SNX13: variants seen among roughly 807,000 people sequenced by gnomAD.
The protein encoded by SNX13 is sorting nexin-13.
SNX13 carries 45 observed loss-of-function variants against 133.6 expected under a neutral mutation model. The ratio of observed to expected loss-of-function variants is 0.34; its 90% CI spans 0.27 to 0.43. The LOEUF (loss-of-function observed/expected upper bound fraction) is 0.43. SNX13 is among the 20% of genes least tolerant of loss of function. The pLI, the probability that SNX13 is intolerant of heterozygous loss-of-function variation, is 1.00. For missense variants in SNX13, 1,032 were observed against 1,145.1 expected, an observed-to-expected ratio of 0.90 and a Z score of 1.43; for synonymous variants, 414 against 373.9, an observed-to-expected ratio of 1.11 and a Z score of -1.24.
rs1259199741 is a variant in SNX13, at chr7:17,794,358, G to A, written c.2627-66C>T. 3 of 1,526,988 alleles carry A rather than the reference G, an allele frequency of 2.0e-6. No individual in the cohort carries two copies. In the African/African-American group the frequency reaches 4.2e-5, roughly 21 times the overall value. 94.6% of individuals were successfully genotyped at this position (1,526,988 alleles called of 1,614,324 possible). A position where few individuals can be genotyped will look rare whatever the true frequency, so the allele number is the denominator to read the frequency against. The stretch of plus-strand genomic sequence containing the variant: ...AAACACAAGGCCTAAACTCTTAAAT[G>A]TTCTTAAATTAAGGTACACAGCAGA... On this transcript the variant is annotated intron_variant, in intron 25 of 25. Transcript: ENST00000428135.
At chr7:17,818,861 TATG>T (rs1157161672) in intron 18 of SNX13, among the ~76,000 whole-genome samples, 1 of 152,208 alleles carries the variant, frequency 6.6e-6, no homozygotes, top group Non-Finnish European at 1.5e-5. Flanking sequence ...ATTTGTTTAA[TATG>T]GTGCATATTT....
In SNX13 at chr7:17,940,414, C is replaced by G. The variant is rs766363997; in HGVS notation, c.-119G>C. 1.6e-6 allele frequency: 2 copies of G among 1,230,046 alleles called. No individual in the cohort carries two copies. The highest frequency in any genetic ancestry group is 1.2e-6 in the Non-Finnish European group (1 of 860,524). 76.2% of individuals were successfully genotyped at this position (1,230,046 alleles called of 1,614,324 possible). A position where few individuals can be genotyped will look rare whatever the true frequency, so the allele number is the denominator to read the frequency against. On this transcript the variant is annotated 5_prime_UTR_variant, in exon 1 of 26. Transcript: ENST00000428135. ...GGCAACTGCTCCTTCAGTCTTCTCC[C>G]GGGCGGCGGTTTTACTCGGCTTCGC...
intron 20 of SNX13, among the ~76,000 whole-genome samples, chr7:17,809,499 A>AC (rs780959871): frequency 6.6e-6 from 1 of 152,174 alleles, no homozygotes; most frequent in Non-Finnish European, 1.5e-5. Context: ...AAAGAGACTT[A>AC]GAGTCCCACA....
intron 1 of SNX13, among the ~76,000 whole-genome samples, chr7:17,921,459 TC>T (rs1800121631): frequency 6.6e-6 from 1 of 152,086 alleles, no homozygotes; most frequent in African/African-American, 2.4e-5. Context: ...CACTTCCATA[TC>T]CCCGACAACT....
intron 9 of SNX13, among the ~76,000 whole-genome samples, chr7:17,863,432 G>A (rs1792984987): frequency 6.6e-6 from 1 of 152,166 alleles, no homozygotes; most frequent in African/African-American, 2.4e-5. Context: ...TCAGAGGAAG[G>A]AAAGGGAGGA....
chr7:17,879,011 T>C (rs1452349475), intron 5 of SNX13, among the ~76,000 whole-genome samples: 1 of 152,118 alleles, frequency 6.6e-6, no homozygotes, highest in African/African-American at 2.4e-5. Context: ...CAATTCCACA[T>C]GCCAACCTTC....
intron 20 of SNX13, among the ~76,000 whole-genome samples, chr7:17,812,587 C>A (rs1189926839): frequency 1.3e-5 from 2 of 152,154 alleles, no homozygotes; most frequent in African/African-American, 4.8e-5. Context: ...GACAGTGTGG[C>A]AATTCCTCAC....
chr7:17,796,153 GCT>G (rs1427938221), intron 25 of SNX13: 2 of 151,630 alleles, frequency 1.3e-5, no homozygotes, highest in African/African-American at 4.8e-5. Context: ...GCATTAAATT[GCT>G]TTTTACATTA....
At chr7:17,794,985 A>G (rs1783893138) in intron 25 of SNX13, 2 of 151,764 alleles carry the variant, frequency 1.3e-5, no homozygotes. Context: ...CTACTTGGGC[A>G]GGATTTTGAT....
At chr7:17,918,204 G>A (rs767861837) in intron 1 of SNX13, among the ~76,000 whole-genome samples, 7 of 152,104 alleles carry the variant, frequency 4.6e-5, no homozygotes, top group African/African-American at 1.7e-4. Context: ...TAGGAAATAC[G>A]CTTCTGAACA....
intron 5 of SNX13, chr7:17,883,077 G>A (rs998491316): frequency 2.3e-5 from 6 of 261,782 alleles, no homozygotes; most frequent in African/African-American, 1.2e-4. Flanking sequence ...TGGTGGAAAC[G>A]AACTTAGGCA....
chr7:17,919,671 T>C (rs1264191489), intron 1 of SNX13, among the ~76,000 whole-genome samples: 2 of 152,172 alleles, frequency 1.3e-5, no homozygotes, highest in Non-Finnish European at 2.9e-5. Context: ...ACTATTCATA[T>C]CCACCTAAAC....
intron 20 of SNX13, among the ~76,000 whole-genome samples, chr7:17,808,527 C>T (rs929213045): frequency 1.3e-5 from 2 of 152,232 alleles, no homozygotes; most frequent in African/African-American, 4.8e-5. Flanking sequence ...TTGGAAAACA[C>T]TCTTCAGGAT....
chr7:17,810,530 A>T (rs1463633303), intron 20 of SNX13, among the ~76,000 whole-genome samples: 1 of 152,196 alleles, frequency 6.6e-6, no homozygotes, highest in Non-Finnish European at 1.5e-5. Context: ...GCCAAATTCT[A>T]CCAGAGGTAC....
At chr7:17,861,097 C>T (rs1792616280) in intron 9 of SNX13, among the ~76,000 whole-genome samples, 2 of 152,176 alleles carry the variant, frequency 1.3e-5, no homozygotes, top group South Asian at 4.2e-4. Context: ...CTCACTGCAG[C>T]TTTGATCTCC....
At chr7:17,810,205 A>G (rs1785844582) in intron 20 of SNX13, among the ~76,000 whole-genome samples, 1 of 152,180 alleles carries the variant, frequency 6.6e-6, no homozygotes, top group African/African-American at 2.4e-5. Flanking sequence ...AAAGATCAAC[A>G]AGATAGATAC....
intron 9 of SNX13, among the ~76,000 whole-genome samples, chr7:17,853,328 T>G (rs950188243): frequency 6.6e-6 from 1 of 152,030 alleles, no homozygotes; most frequent in African/African-American, 2.4e-5. Flanking sequence ...GTAAATAAAA[T>G]TTAAACTAAG....
chr7:17,844,526 A>G (rs888450268), intron 12 of SNX13, among the ~76,000 whole-genome samples: 3 of 152,136 alleles, frequency 2.0e-5, no homozygotes, highest in Non-Finnish European at 4.4e-5. Context: ...AAAATTAAAC[A>G]GGAAACACTT....
At chr7:17,929,212 T>A (rs1240952358) in intron 1 of SNX13, among the ~76,000 whole-genome samples, 1 of 151,932 alleles carries the variant, frequency 6.6e-6, no homozygotes, top group African/African-American at 2.4e-5. Context: ...ATGGAAAGCA[T>A]AGAGTGTAAC....
Sources: allele counts gnomAD v4.1 joint callset (sites outside exome capture counted in the v4.1 genomes callset), GRCh38; gene constraint gnomAD v4.1.1; transcripts MANE v1.5; gene names NCBI Gene and HGNC (gene_info 2026-07-23, HGNC 2026-07-21).